PRELID2: variants seen among roughly 807,000 people sequenced by gnomAD.
The protein encoded by PRELID2 is PRELI domain-containing protein 2.
In PRELID2, 25 loss-of-function variants were observed where a neutral mutation model predicts 28.4. That is an observed-to-expected ratio of 0.88 (90% CI 0.64 to 1.23). PRELID2 has a LOEUF of 1.23. Among genes scored for constraint, PRELID2 ranks in the 50% most tolerant of loss-of-function variants. PRELID2 has a pLI of 0.00. For missense variants in PRELID2, 201 were observed against 214.4 expected (o/e 0.94, Z 0.39); for synonymous variants, 76 against 71.6 (o/e 1.06, Z -0.31).
At chr5:145,817,218 A>T (rs376615036) in intron 4 of PRELID2, among the ~76,000 whole-genome samples, 9,493 of 53,720 alleles carry the variant, frequency 0.18, 1,799 homozygotes, top group Non-Finnish European at 0.3. Context: ...TAAATAAAAA[A>T]AAATATATAT....
chr5:145,724,600 A>AATATATATATATATATATATATAT (rs59677300), intron 1 of PRELID2, among the ~76,000 whole-genome samples: 1 of 24,776 alleles, frequency 4.0e-5, no homozygotes, highest in Non-Finnish European at 9.5e-5. Flanking sequence ...GAAGTAAATA[A>AATATATATATATATATATATATAT]ATATATATAT....
chr5:145,818,045 A>T lies in PRELID2; in HGVS notation c.217T>A (p.Leu73Met). The change falls in exon 4 of 7, where the codon TTG (leucine) becomes ATG (methionine). Residue 73 changes from leucine (L) to methionine (M), a missense_variant. Coordinates refer to ENST00000683046, the MANE Select transcript of PRELID2 (RefSeq NM_205846.3). ...TCTAATTGGATATTAGGTACTTTCA[A>T]AATGCTCACCTGTCCAACAGAAAGA... ...VPEILRKVSI[L>M]KVPNIQLEEE... 1 of 1,612,028 alleles carries T rather than the reference A, an allele frequency of 6.2e-7. No individual in the cohort carries two copies. Among genetic ancestry groups the T allele is most frequent in the Non-Finnish European group, 8.5e-7 (1 of 1,179,030 alleles).
intron 1 of PRELID2, among the ~76,000 whole-genome samples, chr5:145,692,366 A>C (rs1755168286): frequency 2.0e-5 from 3 of 151,082 alleles, no homozygotes; most frequent in Admixed American, 2.0e-4. Flanking sequence ...ATGGAGGTAC[A>C]CACACACACA....
At chr5:145,824,307 G>A (rs1755023562) in intron 1 of PRELID2, among the ~76,000 whole-genome samples, 1 of 152,090 alleles carries the variant, frequency 6.6e-6, no homozygotes, top group Admixed American at 6.6e-5. Flanking sequence ...AAAAGCAGCA[G>A]GCAGGCTGAG....
the PRELID2 span, among the ~76,000 whole-genome samples, chr5:145,284,156 C>T: frequency 6.6e-6 from 1 of 152,152 alleles, no homozygotes; most frequent in Non-Finnish European, 1.5e-5. Flanking sequence ...AGGATTAATG[C>T]AGATAAAGTG....
At chr5:145,234,336 T>C in the PRELID2 span, among the ~76,000 whole-genome samples, 1 of 152,304 alleles carries the variant, frequency 6.6e-6, no homozygotes, top group African/African-American at 2.4e-5. Context: ...TTATTTATTC[T>C]ATTTTACAGT....
At chr5:145,423,050 G>A in the PRELID2 span, among the ~76,000 whole-genome samples, 1 of 148,882 alleles carries the variant, frequency 6.7e-6, no homozygotes, top group Non-Finnish European at 1.5e-5. Context: ...CTTTAAGAAT[G>A]TTGAATATTG....
At chr5:145,399,425 A>G in the PRELID2 span, among the ~76,000 whole-genome samples, 101 of 152,266 alleles carry the variant, frequency 6.6e-4, 1 homozygote, top group African/African-American at 2.4e-3. Flanking sequence ...AAACAATACC[A>G]GAGCTCATGC....
intron 1 of PRELID2, among the ~76,000 whole-genome samples, chr5:145,612,681 G>A (rs990293843): frequency 4.6e-5 from 7 of 152,066 alleles, no homozygotes; most frequent in Admixed American, 2.0e-4. Flanking sequence ...TCATAGCTTA[G>A]CTCCCACATA....
chr5:145,475,171 C>T (rs1007545970), intron 1 of PRELID2, among the ~76,000 whole-genome samples: 4 of 152,104 alleles, frequency 2.6e-5, no homozygotes, highest in Non-Finnish European at 5.9e-5. Context: ...TTTACGAACA[C>T]TTGTTGAATG....
chr5:145,320,371 C>T, the PRELID2 span, among the ~76,000 whole-genome samples: 1 of 151,732 alleles, frequency 6.6e-6, no homozygotes, highest in East Asian at 1.9e-4. Context: ...CACCGCTTCA[C>T]GCCATTCTCC....
the PRELID2 span, among the ~76,000 whole-genome samples, chr5:145,372,897 CAACATATATAAT>C: frequency 2.4e-5 from 1 of 41,958 alleles, no homozygotes; most frequent in Non-Finnish European, 4.7e-5. Context: ...TTATATATTA[CAACATATATAAT>C]ATATATGATA....
chr5:145,597,499 G>A lies in PRELID2; in HGVS notation n.71-124184C>T, dbSNP rs141810438. Among the ~76,000 whole-genome samples, 135 of 152,204 alleles carry A rather than the reference G, an allele frequency of 8.9e-4. 1 individual carries two copies. In the East Asian group the frequency reaches 0.024, roughly 27 times the overall value. On this transcript the variant is annotated intron_variant and non_coding_transcript_variant, in intron 1 of 2. Coordinates refer to the PRELID2 transcript ENST00000510259. Reference sequence around the variant, plus strand: ...ATTAGTTCAGAACAATTTAAAATTCGAGATAAATGAGTATTGGGTTGAACA... The same window carrying A: ...ATTAGTTCAGAACAATTTAAAATTCAAGATAAATGAGTATTGGGTTGAACA...
the PRELID2 span, among the ~76,000 whole-genome samples, chr5:145,352,981 G>C: frequency 6.6e-6 from 1 of 152,148 alleles, no homozygotes; most frequent in Non-Finnish European, 1.5e-5. Flanking sequence ...TATTCAACAA[G>C]ATTTTAGGAA....
At chr5:145,366,205 A>G in the PRELID2 span, among the ~76,000 whole-genome samples, 1 of 151,954 alleles carries the variant, frequency 6.6e-6, no homozygotes, top group East Asian at 1.9e-4. Flanking sequence ...CCATCCACAA[A>G]TTCTCTCAGT....
At chr5:145,701,491 T>C (rs768144218) in intron 1 of PRELID2, among the ~76,000 whole-genome samples, 5 of 152,126 alleles carry the variant, frequency 3.3e-5, no homozygotes, top group Non-Finnish European at 7.4e-5. Context: ...TAAAAAGAAA[T>C]TCTCTATTTT....
At chr5:145,332,969 G>A in the PRELID2 span, among the ~76,000 whole-genome samples, 1 of 152,130 alleles carries the variant, frequency 6.6e-6, no homozygotes, top group African/African-American at 2.4e-5. Context: ...CGTCCTTTTT[G>A]TTGATGTTGA....
At chr5:145,502,929 A>G (rs1328666131) in intron 1 of PRELID2, among the ~76,000 whole-genome samples, 2 of 151,958 alleles carry the variant, frequency 1.3e-5, no homozygotes, top group African/African-American at 2.4e-5. Flanking sequence ...TAGGCTGACT[A>G]CTAGGATCCC....
At chr5:145,791,690 C>T (rs1752407205) in intron 5 of PRELID2, among the ~76,000 whole-genome samples, 1 of 152,140 alleles carries the variant, frequency 6.6e-6, no homozygotes, top group Admixed American at 6.6e-5. Context: ...TACTTAATGC[C>T]ACTGAACTGT....
Sources: allele counts gnomAD v4.1 joint callset (sites outside exome capture counted in the v4.1 genomes callset), GRCh38; gene constraint gnomAD v4.1.1; transcripts MANE v1.5; gene names NCBI Gene and HGNC (gene_info 2026-07-23, HGNC 2026-07-21).